Variants in NRG2 observed in about 807,000 individuals in gnomAD.
NRG2 encodes the protein neuregulin 2.
A neutral mutation model predicts 73.9 loss-of-function variants in NRG2; 27 were observed. The observed-to-expected ratio is 0.37, with a 90% CI of 0.27 to 0.50. The LOEUF is 0.50. Among genes scored for constraint, NRG2 ranks in the 20% least tolerant of loss-of-function variants. The pLI is 0.96. For missense variants in NRG2, 1,126 were observed against 1,210.1 expected (o/e 0.93, Z 1.03); for synonymous variants, 532 against 541.0 (o/e 0.98, Z 0.23).
intron 1 of NRG2, among the ~76,000 whole-genome samples, chr5:140,021,165 G>A (rs1317786973): frequency 6.6e-6 from 1 of 152,270 alleles, no homozygotes; most frequent in Non-Finnish European, 1.5e-5. Context: ...CAATATCCCT[G>A]GTAGGTAAGA....
chr5:139,860,510 G>A (rs999421388), intron 5 of NRG2, among the ~76,000 whole-genome samples: 4 of 152,096 alleles, frequency 2.6e-5, no homozygotes, highest in African/African-American at 9.7e-5. Flanking sequence ...GGAGGGAGTG[G>A]GAAGAGGAAG....
intron 2 of NRG2, among the ~76,000 whole-genome samples, chr5:139,885,379 G>A (rs549983176): frequency 9.2e-5 from 14 of 152,236 alleles, no homozygotes; most frequent in Non-Finnish European, 1.8e-4. Flanking sequence ...CTGGAGGCCT[G>A]AGCCAGGAAG....
chr5:139,950,232 C>G (rs1202689893), intron 1 of NRG2, among the ~76,000 whole-genome samples: 1 of 152,212 alleles, frequency 6.6e-6, no homozygotes, highest in Non-Finnish European at 1.5e-5. Flanking sequence ...GCCAGGGACA[C>G]AGACGATTAA....
chr5:139,857,472 G>A (rs1487011960), intron 5 of NRG2, among the ~76,000 whole-genome samples: 1 of 151,946 alleles, frequency 6.6e-6, no homozygotes, highest in Non-Finnish European at 1.5e-5. Context: ...GGTGTTATCA[G>A]ACTTGTTGAG....
At chr5:139,930,273 A>G (rs760041058) in intron 1 of NRG2, among the ~76,000 whole-genome samples, 4 of 152,232 alleles carry the variant, frequency 2.6e-5, no homozygotes, top group Non-Finnish European at 5.9e-5. Context: ...TTAAAAGAGA[A>G]GTCTTCTCTT....
At chr5:140,027,644 A>G (rs1760805974) in intron 1 of NRG2, among the ~76,000 whole-genome samples, 1 of 152,220 alleles carries the variant, frequency 6.6e-6, no homozygotes, top group Admixed American at 6.5e-5. Flanking sequence ...TTAATCTCTT[A>G]CTGTGCCTAA....
At chr5:139,899,477 T>C (rs2127163981) in intron 1 of NRG2, among the ~76,000 whole-genome samples, 1 of 152,366 alleles carries the variant, frequency 6.6e-6, no homozygotes, top group African/African-American at 2.4e-5. Flanking sequence ...ATGCTAGATC[T>C]AGCCGGACTC....
chr5:139,915,740 G>A lies in NRG2; in HGVS notation c.701-28229C>T, dbSNP rs755494503. On this transcript the variant is annotated intron_variant, in intron 1 of 9. Coordinates refer to ENST00000361474, the MANE Select transcript of NRG2 (RefSeq NM_004883.3). This position sits in a 1 kb window ranked among gnomAD's most constrained non-coding sequence, Gnocchi z 4.0. Reference sequence around the variant, plus strand: ...AAAGGCTGTGTGGTAAATTCTAGACGATCAGCTAGTTAAAATGAAAGGAAG... The same window carrying A: ...AAAGGCTGTGTGGTAAATTCTAGACAATCAGCTAGTTAAAATGAAAGGAAG... Among the ~76,000 whole-genome samples the A allele has an allele frequency of 6.6e-5, 10 of 152,200 alleles. No individual in the cohort carries two copies. The highest frequency in any genetic ancestry group is 1.5e-4 in the Non-Finnish European group (10 of 68,030).
chr5:139,871,736 T>C lies in NRG2; in HGVS notation c.1097A>G (p.Asn366Ser). The C allele has an allele frequency of 1.2e-6, 2 of 1,614,078 alleles. No individual in the cohort carries two copies. Among genetic ancestry groups the C allele is most frequent in the South Asian group, 1.1e-5 (1 of 91,074 alleles). The change falls in exon 4 of 10, where the codon AAC (asparagine) becomes AGC (serine). Residue 366 changes from asparagine (N) to serine (S), a missense_variant. Physicochemically the swap from Asn to Ser is conservative, Grantham distance 46. Transcript: ENST00000361474. ...GGVCYYIEGI[N>S]QLSCKCPNGF... ...GGTCACTTACTTGCAGGAGAGCTGG[T>C]TGATGCCCTCGATGTAGTAGCAGAC...
chr5:139,917,415 C>T (rs1462532727), intron 1 of NRG2, among the ~76,000 whole-genome samples: 1 of 152,084 alleles, frequency 6.6e-6, no homozygotes, highest in Non-Finnish European at 1.5e-5. Context: ...CTGTGCCTGG[C>T]TAATTTTTGT....
At chr5:139,942,503 T>C (rs1161712712) in intron 1 of NRG2, among the ~76,000 whole-genome samples, 1 of 152,214 alleles carries the variant, frequency 6.6e-6, no homozygotes, top group Non-Finnish European at 1.5e-5. Context: ...CCGTAGTTAT[T>C]CTACACTATT....
chr5:139,847,653 T>G lies in NRG2; in HGVS notation c.*264A>C. The G allele has an allele frequency of 2.3e-5, 7 of 307,988 alleles. No homozygotes were observed. The highest frequency in any genetic ancestry group is 2.9e-5 in the Non-Finnish European group (5 of 171,108). 19.1% of individuals were successfully genotyped at this position (307,988 alleles called of 1,614,324 possible). A position where few individuals can be genotyped will look rare whatever the true frequency, so the allele number is the denominator to read the frequency against. On this transcript the variant is annotated 3_prime_UTR_variant, in exon 10 of 10. Coordinates refer to ENST00000361474, the MANE Select transcript of NRG2 (RefSeq NM_004883.3). ...AAAAATTGGCCCATCTCTCTTTTTT[T>G]TTTGTTGTTTCTTTTTTTTTTCCGA... is the stretch of plus-strand genomic sequence containing the variant.
chr5:140,011,847 G>T (rs1580941201), intron 1 of NRG2, among the ~76,000 whole-genome samples: 1 of 152,198 alleles, frequency 6.6e-6, no homozygotes, highest in African/African-American at 2.4e-5. Flanking sequence ...AATTTGTTGT[G>T]CAGCCACAAA....
intron 1 of NRG2, among the ~76,000 whole-genome samples, chr5:140,014,622 A>G (rs1315028799): frequency 1.3e-5 from 2 of 152,074 alleles, no homozygotes; most frequent in South Asian, 2.1e-4. Flanking sequence ...TGTTAAAAAT[A>G]TCTACAATCC....
At chr5:139,912,869 C>T (rs778215753) in intron 1 of NRG2, among the ~76,000 whole-genome samples, 5 of 152,166 alleles carry the variant, frequency 3.3e-5, no homozygotes, top group Admixed American at 6.5e-5. Flanking sequence ...AAGGGAAAAC[C>T]GAAATGCTTT....
chr5:139,955,036 T>C (rs573007788), intron 1 of NRG2, among the ~76,000 whole-genome samples: 35 of 152,266 alleles, frequency 2.3e-4, no homozygotes, highest in Non-Finnish European at 1.2e-4. Flanking sequence ...TTAAACAATA[T>C]TTGTCAGGCA....
At chr5:140,029,996 C>T (rs1039466424) in intron 1 of NRG2, among the ~76,000 whole-genome samples, 15 of 152,080 alleles carry the variant, frequency 9.9e-5, no homozygotes, top group African/African-American at 3.4e-4. Flanking sequence ...ATAAGGCTCC[C>T]CTCCCAAAGC....
chr5:139,990,946 TTG>T (rs2126593179), intron 1 of NRG2, among the ~76,000 whole-genome samples: 1 of 152,304 alleles, frequency 6.6e-6, no homozygotes, highest in Non-Finnish European at 1.5e-5. Context: ...AGTCTGTAAA[TTG>T]TCTTTTCACT....
chr5:140,034,568 A>G (rs1344693673), intron 1 of NRG2, among the ~76,000 whole-genome samples: 1 of 152,184 alleles, frequency 6.6e-6, no homozygotes, highest in Admixed American at 6.5e-5. Context: ...TGACCACACA[A>G]TTATGTACAT....
Sources: allele counts gnomAD v4.1 joint callset (sites outside exome capture counted in the v4.1 genomes callset), GRCh38; gene constraint gnomAD v4.1.1; non-coding constraint Gnocchi (gnomAD v3.1); transcripts MANE v1.5; gene names NCBI Gene and HGNC (gene_info 2026-07-23, HGNC 2026-07-21).